SACS: variants seen among roughly 807,000 people sequenced by gnomAD.
The protein encoded by SACS is sacsin molecular chaperone, also known as sacsin.
A neutral mutation model predicts 348.0 loss-of-function variants in SACS; 197 were observed. That is an observed-to-expected ratio of 0.57 (90% confidence interval 0.50 to 0.64). The LOEUF (loss-of-function observed/expected upper bound fraction) is 0.64. Among genes scored for constraint, SACS ranks in the 30% least tolerant of loss-of-function variants. SACS has a pLI of 0.00. For synonymous variants in SACS, 1,985 were observed against 1,910.6 expected (o/e 1.04, Z -1.02); for missense variants, 4,999 against 5,360.8 (o/e 0.93, Z 2.11).
chr13:23,365,339 G>A, intron 5 of SACS, 62 bp from the exon 6 acceptor site: 1 of 910,974 alleles, frequency 1.1e-6, no homozygotes, highest in East Asian at 2.7e-5. Context: ...GCTCATCTTT[G>A]TATTTATCTA....
intron 2 of SACS, among the ~76,000 whole-genome samples, chr13:23,401,983 T>C (rs1446061360): frequency 1.3e-5 from 2 of 152,138 alleles, no homozygotes; most frequent in African/African-American, 4.8e-5. Context: ...ATTGAGACCA[T>C]CCTGGCTAAC....
chr13:23,380,148 T>TGA lies in SACS; in HGVS notation c.21-4881_21-4880dup, dbSNP rs1555257299. ...GTGTGTGTGTGTGTGTGTGTGTGTG[T>TGA]GAGAGAGAGAGAGAGAGAGAGAAAG... On this transcript the variant is annotated intron_variant, in intron 2 of 9. Transcript: ENST00000382292. 1.5e-3 allele frequency among the ~76,000 whole-genome samples: 224 copies of TGA among 147,744 alleles called. 2 individuals carry two copies. Among genetic ancestry groups the TGA allele is most frequent in the African/African-American group, 4.2e-3 (171 of 40,338 alleles).
intron 2 of SACS, among the ~76,000 whole-genome samples, chr13:23,409,039 A>ATTTTTTTTTTTTTTTTT (rs1474798713): frequency 4.5e-5 from 3 of 66,812 alleles, no homozygotes; most frequent in Non-Finnish European, 5.9e-5. Context: ...AACAAGTTTT[A>ATTTTTTTTTTTTTTTTT]CTTTTTTTTT....
chr13:23,334,681 A>G lies in SACS; in HGVS notation c.9195T>C (p.Ile3065=), dbSNP rs2137586072. The G allele has an allele frequency of 6.2e-7, 1 of 1,613,772 alleles. No individual in the cohort carries two copies. The highest frequency in any genetic ancestry group is 1.7e-4 in the Middle Eastern group (1 of 6,058). Residue 3065 remains isoleucine, a synonymous_variant, in exon 10 of 10, where the codon ATT becomes ATC. Transcript: ENST00000382292. ...CACAGTTATAAACCAAGTTGAAACCAATTTCTAAAAGGAGATGTTTCAGCC... is the reference window on the plus strand; with the variant it reads ...CACAGTTATAAACCAAGTTGAAACCGATTTCTAAAAGGAGATGTTTCAGCC... ...VYRLKHLLLE[I]GFNLVYNCDE...
Position 23,412,401 on chromosome 13 carries a change from C to G in SACS, c.-501-661G>C, listed in dbSNP as rs1317577729. Among the ~76,000 whole-genome samples, 3 of 140,344 alleles carry G rather than the reference C, an allele frequency of 2.1e-5. No homozygotes were observed. In the East Asian group the frequency reaches 6.4e-4, roughly 30 times the overall value. The allele number at this position is 140,344 out of a possible 152,430, so 92.1% of individuals were successfully genotyped here. The stretch of plus-strand genomic sequence containing the variant: ...TTTCAGGAACGACACCCTTTAAATC[C>G]AAACCCTTTTTTTTTTTTTTTTTTT... On this transcript the variant is annotated intron_variant, in intron 1 of 9. Transcript: ENST00000382292.
Position 23,334,367 on chromosome 13 carries a change from C to T in SACS, c.9509G>A (p.Arg3170Gln), listed in dbSNP as rs1318379103. Residue 3170 changes from arginine to glutamine, a missense_variant, in exon 10 of 10, where the codon CGA (arginine) becomes CAA (glutamine). Transcript: ENST00000382292. ...ATGATATGTTGTTAGAAACTTGGGT[C>T]GTTTTGCATCAAAAGTTTGCAAAAC... Reference protein sequence around the residue: ...DSVLQTFDAKRPKFLTTYHEL... With the variant: ...DSVLQTFDAKQPKFLTTYHEL... 4 of 1,612,320 alleles carry T rather than the reference C, an allele frequency of 2.5e-6. No homozygotes were observed. The highest frequency in any genetic ancestry group is 2.2e-5 in the East Asian group (1 of 44,848).
At chr13:23,397,695 C>G (rs1872760917) in intron 2 of SACS, among the ~76,000 whole-genome samples, 1 of 152,180 alleles carries the variant, frequency 6.6e-6, no homozygotes, top group South Asian at 2.1e-4. Flanking sequence ...GTTACCACCT[C>G]TATTTACTTT....
rs546444591 is a variant in SACS, at chr13:23,398,178, C to T, written c.20+13042G>A. On this transcript the variant is annotated intron_variant, in intron 2 of 9. Transcript: ENST00000382292. Reference sequence around the variant, plus strand: ...TGCACTCCAGCCTGGGCAACAAGAGCGAAACTCCATCTCAAAAAATAAAAT... The same window carrying T: ...TGCACTCCAGCCTGGGCAACAAGAGTGAAACTCCATCTCAAAAAATAAAAT... 3.4e-4 allele frequency among the ~76,000 whole-genome samples: 51 copies of T among 149,012 alleles called. No individual in the cohort carries two copies. In the South Asian group the frequency reaches 9.8e-3, roughly 29 times the overall value.
At chr13:23,375,931 T>A (rs1007469557) in intron 2 of SACS, among the ~76,000 whole-genome samples, 1 of 152,178 alleles carries the variant, frequency 6.6e-6, no homozygotes, top group African/African-American at 2.4e-5. Context: ...TGTGTCTCCT[T>A]GAACTCTAAT....
At position 23,379,336 on chromosome 13, in the gene SACS, C is replaced by T. The variant is rs1037709450; in HGVS notation, c.21-4067G>A. Reference sequence around the variant, plus strand: ...TACTCAGTGCCAGGCACTGGTGTCCCGACAAAGAAGCCTGGTGCCTGTGCT... The same window carrying T: ...TACTCAGTGCCAGGCACTGGTGTCCTGACAAAGAAGCCTGGTGCCTGTGCT... On this transcript the variant is annotated intron_variant, in intron 2 of 9. Coordinates refer to ENST00000382292, the MANE Select transcript of SACS (RefSeq NM_014363.6). Among the ~76,000 whole-genome samples the T allele has an allele frequency of 3.9e-5, 6 of 152,156 alleles. No individual in the cohort carries two copies. The East Asian group carries it at 7.7e-4, about 20-fold the overall frequency.
At chr13:23,358,541 C>G in intron 6 of SACS, 60 bp from the exon 7 acceptor site, 2 of 1,564,360 alleles carry the variant, frequency 1.3e-6, no homozygotes, top group East Asian at 4.5e-5. Context: ...TCTGTTCTAT[C>G]TCAAGAGATC....
intron 2 of SACS, among the ~76,000 whole-genome samples, chr13:23,388,189 C>T (rs1872373827): frequency 6.6e-6 from 1 of 151,928 alleles, no homozygotes; most frequent in South Asian, 2.1e-4. Context: ...AAGATATGGG[C>T]CGGGAGCGGT....
Position 23,339,246 on chromosome 13 carries a change from A to G in SACS, c.4630T>C (p.Ser1544Pro). Residue 1544 changes from serine to proline, a missense_variant, in exon 10 of 10, where the codon TCT (serine) becomes CCT (proline). Transcript: ENST00000382292. ...DFVNITRLGE[S>P]LKRGEVDKVG... Reference sequence around the variant, plus strand: ...TTGTCAACTTCTCCCCTTTTTAAAGATTCTCCTAACCTAGTTATGTTCACA... The same window carrying G: ...TTGTCAACTTCTCCCCTTTTTAAAGGTTCTCCTAACCTAGTTATGTTCACA... 1 of 1,608,108 alleles carries G rather than the reference A, an allele frequency of 6.2e-7. No homozygotes were observed. The highest frequency in any genetic ancestry group is 8.5e-7 in the Non-Finnish European group (1 of 1,177,644).
Position 23,332,731 on chromosome 13 carries a change from G to A in SACS, c.11145C>T (p.Ser3715=). 1 of 1,613,950 alleles carries A rather than the reference G, an allele frequency of 6.2e-7. No homozygotes were observed. Among genetic ancestry groups the A allele is most frequent in the Non-Finnish European group, 8.5e-7 (1 of 1,179,910 alleles). ...GGTCACTACCTTCTTGTTCTTTAAT[G>A]CTTAAGGGTGTAGCTTTCTCTGGAA... is the stretch of plus-strand genomic sequence containing the variant. The part of the protein sequence containing the change: ...PILPEKATPL[S]IKEQEGSDLG... The change falls in exon 10 of 10, where the codon AGC becomes AGT. Residue 3715 remains serine (S), a synonymous_variant. Coordinates refer to ENST00000382292, the MANE Select transcript of SACS (RefSeq NM_014363.6).
chr13:23,334,916 T>G lies in SACS; in HGVS notation c.8960A>C (p.Glu2987Ala). 6.2e-7 allele frequency: 1 copy of G among 1,613,906 alleles called. No homozygotes were observed. The highest frequency in any genetic ancestry group is 2.2e-5 in the East Asian group (1 of 44,882). The change falls in exon 10 of 10, where the codon GAA becomes GCA. Residue 2987 changes from glutamate to alanine, a missense_variant. Transcript: ENST00000382292. ...AACAGGTAAAAGACGTTTCATGTCT[T>G]CGTGAATGCAATTGTAAAGTGCTTT... is the stretch of plus-strand genomic sequence containing the variant. ...LVKALYNCIH[E>A]DMKRLLPVVR...
chr13:23,333,586 G>C lies in SACS; in HGVS notation c.10290C>G (p.Tyr3430Ter). The C allele has an allele frequency of 6.2e-7, 1 of 1,613,564 alleles. No homozygotes were observed. The highest frequency in any genetic ancestry group is 8.5e-7 in the Non-Finnish European group (1 of 1,179,680). The change falls in exon 10 of 10, where the codon TAC becomes TAG. Residue 3430 changes from tyrosine (Y) to a stop codon, truncating the protein, a stop_gained. Transcript: ENST00000382292. LOFTEE classifies it high-confidence loss of function. Reference sequence around the variant, plus strand: ...CTGAAGGGATACTTTTTGTAAGTACGTAGCATGTTCCAAATTTTCCAATGC... The same window carrying C: ...CTGAAGGGATACTTTTTGTAAGTACCTAGCATGTTCCAAATTTTCCAATGC... ...YVSIGKFGTC[Y>*]VLTKSIPSAE...
At chr13:23,367,382 TCA>T (rs1177959193) in intron 5 of SACS, among the ~76,000 whole-genome samples, 2 of 152,112 alleles carry the variant, frequency 1.3e-5, no homozygotes, top group East Asian at 1.9e-4. Flanking sequence ...CCTGATTCCC[TCA>T]CAGTTTACAA....
rs762511209 is a variant in SACS at position 23,337,978 on chromosome 13, A to G, written c.5898T>C (p.Asp1966=). The G allele has an allele frequency of 6.2e-7, 1 of 1,614,012 alleles. No homozygotes were observed. Among genetic ancestry groups the G allele is most frequent in the South Asian group, 1.1e-5 (1 of 91,070 alleles). ...FSVICQGFYE[D]IAHGKGKELT... ...GTTCTTTCCCTTTTCCATGAGCTAT[A>G]TCTTCATAAAATCCTTGGCAAATTA... The change falls in exon 10 of 10, where the codon GAT becomes GAC. Residue 1966 remains aspartate, a synonymous_variant. Transcript: ENST00000382292.
In SACS at chr13:23,331,027, T is replaced by C. The variant is rs773771835; in HGVS notation, c.12849A>G (p.Arg4283=). 5.6e-6 allele frequency: 9 copies of C among 1,614,022 alleles called. No homozygotes were observed. The East Asian group carries it at 1.6e-4, about 28-fold the overall frequency. The change falls in exon 10 of 10, where the codon AGA becomes AGG. Residue 4283 remains arginine, a synonymous_variant. Coordinates refer to ENST00000382292, the MANE Select transcript of SACS (RefSeq NM_014363.6). The part of the protein sequence containing the change: ...LRSIPPLFSG[R]ESHKTSSKHQ... ...GTTTGGAAGAAGTCTTGTGGCTCTCTCTACCAGAGAAAAGAGGAGGAATGC... is the reference window on the plus strand; with the variant it reads ...GTTTGGAAGAAGTCTTGTGGCTCTCCCTACCAGAGAAAAGAGGAGGAATGC...
Sources: gnomAD v4.1 joint callset for allele counts (sites outside exome capture counted in the v4.1 genomes callset) on GRCh38, gnomAD v4.1.1 for gene constraint, MANE v1.5 for transcripts, NCBI Gene and HGNC (gene_info 2026-07-23, HGNC 2026-07-21) for gene names.